The following PCDH11X variants were observed in gnomAD, a reference collection of about 807,000 sequenced individuals.
PCDH11X encodes protocadherin-11 X-linked.
Under a neutral mutation model 53.3 loss-of-function variants are expected in PCDH11X, and 18 were observed. The ratio of observed to expected loss-of-function variants is 0.34; its 90% confidence interval spans 0.23 to 0.50. The LOEUF is 0.50. PCDH11X is among the 20% of genes least tolerant of loss of function. The pLI, the probability that PCDH11X is intolerant of heterozygous loss-of-function variation, is 0.98. For missense variants in PCDH11X, 570 were observed against 1,032.4 expected, an observed-to-expected ratio of 0.55 and a Z score of 6.14; for synonymous variants, 279 against 393.3, an observed-to-expected ratio of 0.71 and a Z score of 3.44.
chrX:92,031,199 C>A (rs1274346082), intron 6 of PCDH11X, among the ~76,000 whole-genome samples: 1 of 110,831 alleles, frequency 9.0e-6, no homozygotes, highest in African/African-American at 3.3e-5. Context: ...CATTATATCT[C>A]ATTGTAGTTT....
At chrX:92,513,167 C>T (rs1379308147) in intron 10 of PCDH11X, among the ~76,000 whole-genome samples, 1 of 110,660 alleles carries the variant, frequency 9.0e-6, no homozygotes, top group African/African-American at 3.3e-5. Context: ...AAAGTGGTAA[C>T]TCAATGGTGA....
chrX:92,277,093 G>A (rs887115572), intron 8 of PCDH11X, among the ~76,000 whole-genome samples: 5 of 110,135 alleles, frequency 4.5e-5, no homozygotes, highest in Admixed American at 9.8e-5. Context: ...TCAGCCTGGC[G>A]AGGAGGGGAG....
chrX:91,883,937 C>T (rs1268266559), intron 6 of PCDH11X: 5 of 739,100 alleles, frequency 6.8e-6, no homozygotes, highest in Middle Eastern at 1.5e-3. Context: ...CACCTGTAAT[C>T]CCAGCACTTT....
intron 6 of PCDH11X, among the ~76,000 whole-genome samples, chrX:92,164,659 AT>A (rs199797717): frequency 0.017 from 1,764 of 104,098 alleles, 17 homozygotes; most frequent in Middle Eastern, 0.049. Flanking sequence ...TTTAAATGTC[AT>A]TTTTTTTTTG....
intron 7 of PCDH11X, among the ~76,000 whole-genome samples, chrX:92,250,110 A>C (rs778797476): frequency 4.5e-5 from 5 of 111,837 alleles, no homozygotes; most frequent in Non-Finnish European, 9.4e-5. Flanking sequence ...TAATTTTTCA[A>C]CCCTTTGAAA....
chrX:92,504,776 C>G (rs966074145), intron 10 of PCDH11X, among the ~76,000 whole-genome samples: 1 of 111,947 alleles, frequency 8.9e-6, no homozygotes, highest in Non-Finnish European at 1.9e-5. Flanking sequence ...AGTGTATATG[C>G]ATTCCCTTTT....
intron 6 of PCDH11X, among the ~76,000 whole-genome samples, chrX:91,967,125 T>C (rs1414873793): frequency 9.1e-6 from 1 of 109,692 alleles, no homozygotes; most frequent in East Asian, 2.9e-4. Flanking sequence ...GATGATGGCT[T>C]CCAGCTTCAT....
chrX:92,305,855 A>G (rs1228316950), intron 8 of PCDH11X, among the ~76,000 whole-genome samples: 2 of 108,881 alleles, frequency 1.8e-5, no homozygotes, highest in African/African-American at 3.4e-5. Context: ...GCAAAATTTA[A>G]CTAACATAAA....
chrX:92,208,134 G>T (rs1374314892), intron 7 of PCDH11X, among the ~76,000 whole-genome samples: 1 of 105,056 alleles, frequency 9.5e-6, no homozygotes, highest in Non-Finnish European at 1.9e-5. Context: ...GGCAGAGGTT[G>T]CAGTGAGCTG....
chrX:92,574,516 T>C (rs1922584230), intron 10 of PCDH11X, among the ~76,000 whole-genome samples: 4 of 108,983 alleles, frequency 3.7e-5, no homozygotes, highest in Non-Finnish European at 7.7e-5. Flanking sequence ...AGGATGCTTA[T>C]ATATCTCCCA....
intron 6 of PCDH11X, among the ~76,000 whole-genome samples, chrX:91,889,945 A>G (rs1221808594): frequency 2.8e-4 from 31 of 111,071 alleles, no homozygotes; most frequent in Non-Finnish European, 4.5e-4. Flanking sequence ...TCAATTTTAC[A>G]TTTATACATT....
At position 92,012,902 on chromosome X, in the gene PCDH11X, A is replaced by T. The variant is rs113267996; in HGVS notation, c.3033+133629A>T. Among the ~76,000 whole-genome samples the T allele has an allele frequency of 6.9e-3, 770 of 111,638 alleles. 4 individuals carry two copies. The highest frequency in any genetic ancestry group is 0.024 in the African/African-American group (727 of 30,761). On this transcript the variant is annotated intron_variant, in intron 6 of 10. Coordinates refer to ENST00000682573, the MANE Select transcript of PCDH11X (RefSeq NM_032968.5). ...TGCAATAGCATTAATGTCTAATAAA[A>T]TAATGTGCGTCAGCCAATATCATAC...
chrX:92,142,382 AC>A (rs2065197758), intron 6 of PCDH11X, among the ~76,000 whole-genome samples: 1 of 107,122 alleles, frequency 9.3e-6, no homozygotes, highest in African/African-American at 3.4e-5. Context: ...ACACACACAC[AC>A]ACACACACAC....
At chrX:92,219,153 C>T (rs769935097) in intron 7 of PCDH11X, among the ~76,000 whole-genome samples, 1 of 111,040 alleles carries the variant, frequency 9.0e-6, no homozygotes, top group Admixed American at 9.6e-5. Context: ...GGGATGCCCT[C>T]TCTCACCACT....
intron 8 of PCDH11X, among the ~76,000 whole-genome samples, chrX:92,280,202 C>T (rs1277651396): frequency 8.9e-6 from 1 of 111,803 alleles, no homozygotes; most frequent in East Asian, 2.8e-4. Flanking sequence ...TGTAAGTATA[C>T]TCTATGATTT....
At chrX:92,183,640 G>A (rs755664554) in intron 6 of PCDH11X, among the ~76,000 whole-genome samples, 3 of 111,977 alleles carry the variant, frequency 2.7e-5, no homozygotes, top group Non-Finnish European at 5.6e-5. Context: ...TATTTATAAT[G>A]GTCTAAAAAA....
At chrX:91,852,008 CTT>C (rs59675485) in intron 5 of PCDH11X, among the ~76,000 whole-genome samples, 1 of 94,473 alleles carries the variant, frequency 1.1e-5, no homozygotes, top group Non-Finnish European at 2.1e-5. Flanking sequence ...ATTAGGAATT[CTT>C]TTTTTTTTTT....
At chrX:92,208,551 A>G (rs1205487768) in intron 7 of PCDH11X, among the ~76,000 whole-genome samples, 1 of 86,918 alleles carries the variant, frequency 1.2e-5, no homozygotes, top group African/African-American at 4.2e-5. Flanking sequence ...TTTTTTTTAA[A>G]GGAGGCTCTT....
chrX:91,955,499 TGA>T (rs892034473), intron 6 of PCDH11X, among the ~76,000 whole-genome samples: 1 of 110,323 alleles, frequency 9.1e-6, no homozygotes, highest in Admixed American at 9.7e-5. Context: ...AAGAACTTCT[TGA>T]TTTCTACCTT....
Sources: gnomAD v4.1 joint callset for allele counts (sites outside exome capture counted in the v4.1 genomes callset) on GRCh38, gnomAD v4.1.1 for gene constraint, MANE v1.5 for transcripts, NCBI Gene and HGNC (gene_info 2026-07-23, HGNC 2026-07-21) for gene names.